The following IFT52 variants were observed in gnomAD, a reference collection of about 807,000 sequenced individuals.
The protein encoded by IFT52 is intraflagellar transport protein 52 homolog.
IFT52 carries 44 observed loss-of-function variants against 54.4 expected under a neutral mutation model. The ratio of observed to expected loss-of-function variants is 0.81; its 90% CI spans 0.63 to 1.04. The LOEUF (loss-of-function observed/expected upper bound fraction) is 1.04. Ranked by LOEUF, IFT52 falls within the 50% of genes least tolerant of loss-of-function variation. IFT52 has a pLI of 0.00. For missense variants in IFT52, 452 were observed against 523.6 expected (o/e 0.86, Z 1.33); for synonymous variants, 181 against 185.3 (o/e 0.98, Z 0.19).
At chr20:43,618,083 CT>C (rs902848923) in intron 7 of IFT52, among the ~76,000 whole-genome samples, 19 of 148,768 alleles carry the variant, frequency 1.3e-4, no homozygotes, top group Non-Finnish European at 1.8e-4. Flanking sequence ...TACTTAAATA[CT>C]TTTTTTTTTG....
chr20:43,633,330 C>T (rs145921551), intron 10 of IFT52, among the ~76,000 whole-genome samples: 4,085 of 150,954 alleles, frequency 0.027, 69 homozygotes, highest in Non-Finnish European at 0.037. Flanking sequence ...GCCACAAGAG[C>T]GAAACTCCGT....
At chr20:43,594,936 G>T in intron 2 of IFT52, 119 bp downstream of exon 2, 1 of 688,938 alleles carries the variant, frequency 1.5e-6, no homozygotes, top group Non-Finnish European at 2.6e-6. Flanking sequence ...TCAATTTAAA[G>T]ATTATTCAGA....
At chr20:43,626,788 A>C (rs1984751025) in intron 10 of IFT52, among the ~76,000 whole-genome samples, 1 of 72,626 alleles carries the variant, frequency 1.4e-5, no homozygotes, top group African/African-American at 3.7e-5. Context: ...TGAGCTCACA[A>C]AGTGTTAAAA....
chr20:43,626,535 A>G (rs1043851075), intron 10 of IFT52, among the ~76,000 whole-genome samples: 3 of 152,072 alleles, frequency 2.0e-5, no homozygotes, highest in African/African-American at 7.2e-5. Flanking sequence ...CATGAGCCAC[A>G]GCACCTGGAC....
At chr20:43,605,493 G>A (rs1172166601) in intron 6 of IFT52, among the ~76,000 whole-genome samples, 3 of 152,206 alleles carry the variant, frequency 2.0e-5, no homozygotes, top group Admixed American at 1.3e-4. Flanking sequence ...GTTGCAGTGA[G>A]CCAAGATTAC....
At chr20:43,641,857 A>G (rs556991241) in intron 12 of IFT52, among the ~76,000 whole-genome samples, 1 of 144,948 alleles carries the variant, frequency 6.9e-6, no homozygotes, top group East Asian at 2.1e-4. Context: ...GCAGTGGCGC[A>G]ATCTCTGTTC....
chr20:43,632,915 T>A (rs1985268921), intron 10 of IFT52, among the ~76,000 whole-genome samples: 1 of 152,234 alleles, frequency 6.6e-6, no homozygotes, highest in South Asian at 2.1e-4. Context: ...GAAATGTTTC[T>A]TTTCAGTTCT....
rs1255896765 is a variant in IFT52 at position 43,602,141 on chromosome 20, T to TTA, written c.208-1619_208-1618insTA. Reference sequence around the variant, plus strand: ...AGGAAATGGACTTTGAGCTGATTTTTATTTTATTTATTTATTTATTTATTT... The same window carrying TTA: ...AGGAAATGGACTTTGAGCTGATTTTTTAATTTTATTTATTTATTTATTTATTT... On this transcript the variant is annotated intron_variant, in intron 3 of 13. Coordinates refer to ENST00000373030, the MANE Select transcript of IFT52 (RefSeq NM_016004.5). Among the ~76,000 whole-genome samples the TTA allele has an allele frequency of 2.9e-3, 43 of 14,722 alleles. 1 individual carries two copies. Among genetic ancestry groups the TTA allele is most frequent in the East Asian group, 2.5e-3 (1 of 402 alleles). The allele number at this position is 14,722 out of a possible 152,430, so 9.7% of individuals were successfully genotyped here. A position where few individuals can be genotyped will look rare whatever the true frequency, so the allele number is the denominator to read the frequency against.
At chr20:43,607,941 T>C (rs2145608329) in intron 6 of IFT52, among the ~76,000 whole-genome samples, 1 of 152,264 alleles carries the variant, frequency 6.6e-6, no homozygotes, top group South Asian at 2.1e-4. Context: ...GGTTAGGAGC[T>C]GGAGACCAGC....
At chr20:43,641,641 G>A (rs945500820) in intron 12 of IFT52, among the ~76,000 whole-genome samples, 3 of 151,244 alleles carry the variant, frequency 2.0e-5, no homozygotes, top group Admixed American at 1.3e-4. Flanking sequence ...TTACAGGTGC[G>A]CACCACCATG....
At chr20:43,618,727 G>A (rs934548797) in intron 7 of IFT52, among the ~76,000 whole-genome samples, 2 of 151,840 alleles carry the variant, frequency 1.3e-5, no homozygotes, top group African/African-American at 2.4e-5. Flanking sequence ...CAGGTGATCC[G>A]CCTGCCTCGG....
intron 10 of IFT52, among the ~76,000 whole-genome samples, chr20:43,634,141 C>T (rs1191995860): frequency 6.6e-6 from 1 of 151,612 alleles, no homozygotes; most frequent in African/African-American, 2.4e-5. Context: ...CATACCACTG[C>T]ACTCCAGCCT....
At position 43,605,086 on chromosome 20, in the gene IFT52, T is replaced by C; in HGVS notation, c.485+13T>C. 2 of 1,612,786 alleles carry C rather than the reference T, an allele frequency of 1.2e-6. No homozygotes were observed. The highest frequency in any genetic ancestry group is 1.7e-6 in the Non-Finnish European group (2 of 1,179,608). On this transcript the variant is annotated intron_variant, in intron 6 of 13. Transcript: ENST00000373030. Reference sequence around the variant, plus strand: ...GAAACAATGCCCAGTGAGTGTGTTTTCTGATGCCACATGAGGAAGATGTAT... The same window carrying C: ...GAAACAATGCCCAGTGAGTGTGTTTCCTGATGCCACATGAGGAAGATGTAT...
chr20:43,614,037 A>C (rs1600478878), intron 7 of IFT52, 61 bp downstream of exon 7: 1 of 1,459,946 alleles, frequency 6.8e-7, no homozygotes, highest in Non-Finnish European at 9.4e-7. Context: ...AATAAAAACC[A>C]CCTTACCATT....
At chr20:43,615,721 G>A (rs746103259) in intron 7 of IFT52, among the ~76,000 whole-genome samples, 4 of 151,804 alleles carry the variant, frequency 2.6e-5, no homozygotes, top group Non-Finnish European at 5.9e-5. Context: ...GGTGGATCAC[G>A]AGGTCAGGAG....
At chr20:43,616,195 A>G (rs1157931441) in intron 7 of IFT52, among the ~76,000 whole-genome samples, 1 of 152,038 alleles carries the variant, frequency 6.6e-6, no homozygotes, top group Non-Finnish European at 1.5e-5. Context: ...TGGTTTTCTC[A>G]TTACAAAAGT....
At chr20:43,636,477 T>C (rs1483671871) in intron 11 of IFT52, among the ~76,000 whole-genome samples, 1 of 152,222 alleles carries the variant, frequency 6.6e-6, no homozygotes. Context: ...TTCTGAAATG[T>C]TATGAGCCAG....
intron 1 of IFT52, 27 bp downstream of exon 1, chr20:43,591,081 G>T (rs904207270): frequency 6.6e-6 from 1 of 152,520 alleles, no homozygotes; most frequent in Non-Finnish European, 1.5e-5. Context: ...GTGGTGGGCC[G>T]GCTGGGGCGT....
chr20:43,635,059 T>C (rs1358414890), intron 10 of IFT52, among the ~76,000 whole-genome samples: 1 of 151,856 alleles, frequency 6.6e-6, no homozygotes, highest in African/African-American at 2.4e-5. Flanking sequence ...TCCCAGCTAC[T>C]TGGGAGGCTT....
Sources: allele counts gnomAD v4.1 joint callset (sites outside exome capture counted in the v4.1 genomes callset), GRCh38; gene constraint gnomAD v4.1.1; transcripts MANE v1.5; gene names NCBI Gene and HGNC (gene_info 2026-07-23, HGNC 2026-07-21).